Variants in PBRM1 observed in about 807,000 individuals in gnomAD.
PBRM1 encodes protein polybromo-1.
In PBRM1, 27 loss-of-function variants were observed where a neutral mutation model predicts 194.5. The observed-to-expected ratio is 0.14, with a 90% CI of 0.10 to 0.19. The LOEUF (loss-of-function observed/expected upper bound fraction) is 0.19, where lower values mean the gene tolerates loss of function less well. PBRM1 is among the 10% of genes least tolerant of loss of function. The pLI, the probability that PBRM1 is intolerant of heterozygous loss-of-function variation, is 1.00. For synonymous variants in PBRM1, 655 were observed against 693.2 expected, an observed-to-expected ratio of 0.94 and a Z score of 0.87; for missense variants, 1,466 against 2,077.2, an observed-to-expected ratio of 0.71 and a Z score of 5.72.
At chr3:52,569,279 C>T (rs2086290811) in intron 22 of PBRM1, among the ~76,000 whole-genome samples, 4 of 150,918 alleles carry the variant, frequency 2.7e-5, no homozygotes, top group East Asian at 1.9e-4. Context: ...GGCGCGATCT[C>T]GGTTCATTGC....
chr3:52,625,856 G>T (rs1164701719), intron 13 of PBRM1, among the ~76,000 whole-genome samples: 1 of 152,118 alleles, frequency 6.6e-6, no homozygotes, highest in Non-Finnish European at 1.5e-5. Context: ...GGGATTACAG[G>T]CATGTGCCAC....
At chr3:52,616,620 G>C (rs1377617101) in intron 14 of PBRM1, among the ~76,000 whole-genome samples, 1 of 152,188 alleles carries the variant, frequency 6.6e-6, no homozygotes, top group East Asian at 1.9e-4. Context: ...ATGAACCCGG[G>C]AGGCGGAGCT....
chr3:52,603,986 A>G (rs1260047120), intron 16 of PBRM1, among the ~76,000 whole-genome samples: 1 of 152,182 alleles, frequency 6.6e-6, no homozygotes, highest in East Asian at 1.9e-4. Context: ...GAAAGGCCTC[A>G]TGTATTTTCT....
At chr3:52,556,041 A>G (rs2082154967) in intron 26 of PBRM1, among the ~76,000 whole-genome samples, 1 of 152,208 alleles carries the variant, frequency 6.6e-6, no homozygotes, top group African/African-American at 2.4e-5. Context: ...GGGTTGAGGG[A>G]CTGGTGCCAA....
chr3:52,632,565 CAAAAAGAAAA>C (rs1295956551), intron 11 of PBRM1, among the ~76,000 whole-genome samples: 2 of 150,570 alleles, frequency 1.3e-5, no homozygotes, highest in African/African-American at 4.9e-5. Context: ...GTCTCTTTAA[CAAAAAGAAAA>C]AAGCAAATTT....
At chr3:52,667,306 A>G (rs950773503) in intron 3 of PBRM1, among the ~76,000 whole-genome samples, 1 of 152,206 alleles carries the variant, frequency 6.6e-6, no homozygotes, top group African/African-American at 2.4e-5. Context: ...ATTAAACTAA[A>G]ATAAAACATT....
intron 2 of PBRM1, among the ~76,000 whole-genome samples, chr3:52,676,114 C>CAAAAAAAAAA (rs1019237005): frequency 3.9e-4 from 2 of 5,116 alleles, no homozygotes; most frequent in African/African-American, 2.3e-3. Flanking sequence ...GACTCCGTCT[C>CAAAAAAAAAA]AAAAAAAAAA....
In PBRM1 at chr3:52,609,744, G is replaced by A. The variant is rs2094518384; in HGVS notation, c.2136C>T (p.His712=). The A allele has an allele frequency of 1.2e-6, 2 of 1,608,108 alleles. No homozygotes were observed. Among genetic ancestry groups the A allele is most frequent in the Non-Finnish European group, 1.7e-6 (2 of 1,177,878 alleles). ...TATCTTGGTACTTGTTGGCCATCAT[G>A]TGACTTCGAATTTTTTCCATGTCCA... The change falls in exon 16 of 30, where the codon CAC becomes CAT. Residue 712 remains histidine (H), a synonymous_variant. Transcript: ENST00000296302. This position sits in a 1 kb window ranked among gnomAD's most constrained non-coding sequence, Gnocchi z 4.1.
intron 5 of PBRM1, among the ~76,000 whole-genome samples, chr3:52,657,848 C>A (rs547519039): frequency 6.7e-6 from 1 of 149,516 alleles, no homozygotes. Context: ...AGTGCAATGG[C>A]GCAATCTTGG....
chr3:52,673,942 T>C (rs1390691981), intron 2 of PBRM1, among the ~76,000 whole-genome samples: 3 of 150,986 alleles, frequency 2.0e-5, no homozygotes, highest in Non-Finnish European at 4.4e-5. Flanking sequence ...TCCCAGCTAC[T>C]TGGGAGGCTG....
Position 52,642,049 on chromosome 3 carries a change from CAAAA to C in PBRM1, c.996-8_996-5del. ...TCCTTGTACTGCTCTTTTATTACTACAAAAAAAAAAAAAGCAATTAGACAGGGAA... is the reference window on the plus strand; with the variant it reads ...TCCTTGTACTGCTCTTTTATTACTACAAAAAAAAAGCAATTAGACAGGGAA... On this transcript the variant is annotated splice_polypyrimidine_tract_variant and splice_region_variant and intron_variant, in intron 9 of 29. Transcript: ENST00000296302. 6.0e-6 allele frequency: 7 copies of C among 1,176,120 alleles called. No homozygotes were observed. The highest frequency in any genetic ancestry group is 8.5e-6 in the Non-Finnish European group (7 of 824,324). 72.9% of individuals were successfully genotyped at this position (1,176,120 alleles called of 1,614,324 possible). A position where few individuals can be genotyped will look rare whatever the true frequency, so the allele number is the denominator to read the frequency against.
At position 52,582,924 on chromosome 3, in the gene PBRM1, C is replaced by T. The variant is rs181904306; in HGVS notation, c.3387+3501G>A. ...CATCCTGGCTAACACGATGAAACCC[C>T]GTCTCTACTAAAAATACAAAAAATT... On this transcript the variant is annotated intron_variant, in intron 20 of 29. Transcript: ENST00000296302. Among the ~76,000 whole-genome samples, 1,346 of 149,816 alleles carry T rather than the reference C, an allele frequency of 9.0e-3. 4 individuals carry two copies. Among genetic ancestry groups the T allele is most frequent in the Non-Finnish European group, 0.014 (937 of 67,512 alleles).
chr3:52,584,450 CTTTTTTTT>C (rs397989611), intron 20 of PBRM1, among the ~76,000 whole-genome samples: 132 of 60,756 alleles, frequency 2.2e-3, no homozygotes, highest in African/African-American at 9.1e-3. Flanking sequence ...AGTATTCTTG[CTTTTTTTT>C]TTTTTTTTTT....
At chr3:52,674,519 G>A (rs571217515) in intron 2 of PBRM1, among the ~76,000 whole-genome samples, 56 of 147,380 alleles carry the variant, frequency 3.8e-4, no homozygotes, top group African/African-American at 1.4e-3. Context: ...GCTGGGTGTG[G>A]TGGCTCACAC....
Position 52,629,108 on chromosome 3 carries a change from GC to G in PBRM1, c.1302-74del, listed in dbSNP as rs1192582640. The G allele has an allele frequency of 6.6e-6, 8 of 1,203,170 alleles. No individual in the cohort carries two copies. The African/African-American group carries it at 1.2e-4, about 18-fold the overall frequency. 74.5% of individuals were successfully genotyped at this position (1,203,170 alleles called of 1,614,324 possible). A position where few individuals can be genotyped will look rare whatever the true frequency, so the allele number is the denominator to read the frequency against. On this transcript the variant is annotated intron_variant, in intron 11 of 29. Transcript: ENST00000296302. ...GAAACATTCTTCCTGAAAGTCCAATGCAAAATCTTGACAAGCACTACATGGT... is the reference window on the plus strand; with the variant it reads ...GAAACATTCTTCCTGAAAGTCCAATGAAAATCTTGACAAGCACTACATGGT...
chr3:52,647,457 AATATATATATATATATATATAT>A (rs199916798), intron 7 of PBRM1, among the ~76,000 whole-genome samples: 1 of 47,878 alleles, frequency 2.1e-5, no homozygotes, highest in Admixed American at 3.9e-4. Flanking sequence ...AAAAAAAAAA[AATATATATATATATATATATAT>A]ATATATATAT....
At chr3:52,577,622 A>C (rs905212464) in intron 21 of PBRM1, among the ~76,000 whole-genome samples, 1 of 152,072 alleles carries the variant, frequency 6.6e-6, no homozygotes, top group Non-Finnish European at 1.5e-5. Flanking sequence ...CCTCAGGCTT[A>C]CACACAGGAG....
At chr3:52,580,859 C>T (rs1176608055) in intron 20 of PBRM1, among the ~76,000 whole-genome samples, 1 of 151,988 alleles carries the variant, frequency 6.6e-6, no homozygotes, top group Non-Finnish European at 1.5e-5. Flanking sequence ...AAATGCCTAA[C>T]TCATAAAAAC....
At chr3:52,580,216 G>A (rs1323368693) in intron 20 of PBRM1, among the ~76,000 whole-genome samples, 1 of 151,936 alleles carries the variant, frequency 6.6e-6, no homozygotes, top group East Asian at 1.9e-4. Context: ...CTCCAGCCTG[G>A]GAAACAGAAT....
Sources: gnomAD v4.1 joint callset for allele counts (sites outside exome capture counted in the v4.1 genomes callset) on GRCh38, gnomAD v4.1.1 for gene constraint, Gnocchi (gnomAD v3.1) non-coding constraint, MANE v1.5 for transcripts, NCBI Gene and HGNC (gene_info 2026-07-23, HGNC 2026-07-21) for gene names.